Variants in TMEM120B observed in about 807,000 individuals in gnomAD.
TMEM120B encodes transmembrane protein 120B.
A neutral mutation model predicts 55.5 loss-of-function variants in TMEM120B; 31 were observed. The ratio of observed to expected loss-of-function variants is 0.56; its 90% CI spans 0.42 to 0.75. The LOEUF is 0.75. TMEM120B is among the 30% of genes least tolerant of loss of function. The pLI, the probability that TMEM120B is intolerant of heterozygous loss-of-function variation, is 0.00. For synonymous variants in TMEM120B, 203 were observed against 176.3 expected (o/e 1.15, Z -1.20); for missense variants, 399 against 425.5 (o/e 0.94, Z 0.55).
At chr12:121,772,174 G>A (rs574562629) in intron 8 of TMEM120B, among the ~76,000 whole-genome samples, 1 of 148,048 alleles carries the variant, frequency 6.8e-6, no homozygotes, top group South Asian at 2.1e-4. Flanking sequence ...TGTTGCCCAG[G>A]CTGGAGTGCA....
intron 6 of TMEM120B, among the ~76,000 whole-genome samples, chr12:121,770,279 A>G (rs961218095): frequency 3.9e-5 from 6 of 152,088 alleles, no homozygotes; most frequent in Admixed American, 3.9e-4. Context: ...TCTGTGCACA[A>G]ACAGCCCTGG....
intron 1 of TMEM120B, among the ~76,000 whole-genome samples, chr12:121,722,027 T>C (rs554488842): frequency 1.3e-5 from 2 of 151,536 alleles, no homozygotes; most frequent in African/African-American, 4.8e-5. Flanking sequence ...GGTCTCGATC[T>C]CTTGACCTTG....
intron 1 of TMEM120B, among the ~76,000 whole-genome samples, chr12:121,737,191 A>C (rs796237695): frequency 7.6e-4 from 115 of 152,234 alleles, no homozygotes; most frequent in Middle Eastern, 6.8e-3. Context: ...CATAATAAAG[A>C]ATAGGTGACC....
intron 1 of TMEM120B, among the ~76,000 whole-genome samples, chr12:121,735,195 A>G (rs1447340296): frequency 6.6e-6 from 1 of 150,910 alleles, no homozygotes; most frequent in African/African-American, 2.4e-5. Flanking sequence ...CAAAAAAAAA[A>G]AAAAACAAAA....
At chr12:121,731,868 G>A (rs1895009672) in intron 1 of TMEM120B, among the ~76,000 whole-genome samples, 1 of 152,198 alleles carries the variant, frequency 6.6e-6, no homozygotes, top group Non-Finnish European at 1.5e-5. Context: ...ATGAAAGAGA[G>A]GTTCATGCCT....
chr12:121,761,742 C>A lies in TMEM120B; in HGVS notation c.551+4C>A, dbSNP rs185823657. On this transcript the variant is annotated splice_donor_region_variant and intron_variant, in intron 6 of 11. Coordinates refer to ENST00000449592, the MANE Select transcript of TMEM120B (RefSeq NM_001080825.2). Reference sequence around the variant, plus strand: ...TTCTCATCAGCAACGGCTCAAGGTACCTGGGCACCTGGCTTTGTGGGGAGC... The same window carrying A: ...TTCTCATCAGCAACGGCTCAAGGTAACTGGGCACCTGGCTTTGTGGGGAGC... 3 of 1,612,250 alleles carry A rather than the reference C, an allele frequency of 1.9e-6. No homozygotes were observed. The Admixed American group carries it at 5.0e-5, about 27-fold the overall frequency.
intron 3 of TMEM120B, 24 bp downstream of exon 3, chr12:121,748,466 C>A: frequency 6.6e-7 from 1 of 1,522,662 alleles, no homozygotes. Context: ...ACCTCCCCAC[C>A]CCTAGCACAG....
chr12:121,738,494 G>A (rs984287189), intron 1 of TMEM120B, among the ~76,000 whole-genome samples: 2 of 152,196 alleles, frequency 1.3e-5, no homozygotes, highest in Non-Finnish European at 1.5e-5. Context: ...CCAGGGCCCC[G>A]TCTTCCCCAA....
chr12:121,745,783 C>T (rs1329606842), intron 2 of TMEM120B, among the ~76,000 whole-genome samples: 8 of 151,946 alleles, frequency 5.3e-5, no homozygotes. Context: ...CTCCTGGGCT[C>T]AAGCGATCCT....
At chr12:121,744,758 G>T (rs1005265095) in intron 2 of TMEM120B, among the ~76,000 whole-genome samples, 2 of 152,138 alleles carry the variant, frequency 1.3e-5, no homozygotes, top group Admixed American at 6.6e-5. Context: ...CTCCATTTTA[G>T]AATCTGGGAC....
chr12:121,738,065 A>G (rs539318927), intron 1 of TMEM120B, among the ~76,000 whole-genome samples: 18 of 151,236 alleles, frequency 1.2e-4, no homozygotes, highest in Admixed American at 1.1e-3. Flanking sequence ...CCTGTAATCT[A>G]TTCTACTAAA....
intron 1 of TMEM120B, among the ~76,000 whole-genome samples, chr12:121,719,292 G>A (rs884885): frequency 0.41 from 62,222 of 151,814 alleles, 13,322 homozygotes; most frequent in African/African-American, 0.54. Context: ...CTTTTGGGGG[G>A]CTAATAGAAA....
intron 6 of TMEM120B, among the ~76,000 whole-genome samples, chr12:121,769,861 G>A (rs760184494): frequency 8.5e-5 from 13 of 152,098 alleles, no homozygotes; most frequent in Admixed American, 2.0e-4. Context: ...GTGGGAGAGG[G>A]GGCAGATCAC....
intron 1 of TMEM120B, among the ~76,000 whole-genome samples, chr12:121,720,894 G>T (rs1157736128): frequency 6.6e-6 from 1 of 152,100 alleles, no homozygotes; most frequent in African/African-American, 2.4e-5. Context: ...AGCAATTCCT[G>T]CAACACATGT....
intron 6 of TMEM120B, 143 bp from the exon 7 acceptor site, chr12:121,770,764 G>T: frequency 1.4e-6 from 1 of 737,244 alleles, no homozygotes; most frequent in South Asian, 1.6e-5. Flanking sequence ...GGAGGGCACG[G>T]TCAGGGTTCC....
At chr12:121,773,201 C>A (rs966780804) in intron 8 of TMEM120B, among the ~76,000 whole-genome samples, 22 of 152,162 alleles carry the variant, frequency 1.4e-4, no homozygotes, top group African/African-American at 4.8e-4. Flanking sequence ...TCCTCACATA[C>A]CTGTGTTCTC....
At chr12:121,724,115 G>T (rs1014871828) in intron 1 of TMEM120B, among the ~76,000 whole-genome samples, 4 of 131,842 alleles carry the variant, frequency 3.0e-5, no homozygotes, top group African/African-American at 1.2e-4. Context: ...TCCACTCACT[G>T]CATCCTTCAC....
chr12:121,754,188 G>A (rs1873413485), intron 5 of TMEM120B, among the ~76,000 whole-genome samples: 1 of 152,240 alleles, frequency 6.6e-6, no homozygotes, highest in Admixed American at 6.5e-5. Flanking sequence ...CTGCTGCCCA[G>A]AGCCTGGCCT....
chr12:121,749,316 C>T (rs897988453), intron 3 of TMEM120B, among the ~76,000 whole-genome samples: 5 of 152,330 alleles, frequency 3.3e-5, no homozygotes, highest in Non-Finnish European at 7.3e-5. Flanking sequence ...TGTCTGCCTT[C>T]CTGCCCCTCT....
Sources: allele counts gnomAD v4.1 joint callset (sites outside exome capture counted in the v4.1 genomes callset), GRCh38; gene constraint gnomAD v4.1.1; transcripts MANE v1.5; gene names NCBI Gene and HGNC (gene_info 2026-07-23, HGNC 2026-07-21).